NAV3: variants seen among roughly 807,000 people sequenced by gnomAD.
NAV3 encodes the protein neuron navigator 3.
In NAV3, 87 loss-of-function variants were observed where a neutral mutation model predicts 244.7. The observed-to-expected ratio is 0.36, with a 90% CI of 0.30 to 0.42. The LOEUF (loss-of-function observed/expected upper bound fraction) is 0.42. Among genes scored for constraint, NAV3 ranks in the 20% least tolerant of loss-of-function variants. The probability of loss-of-function intolerance (pLI) is 1.00; values close to 1 mark genes in which losing one functional copy is unlikely to be tolerated. For synonymous variants in NAV3, 1,126 were observed against 1,042.2 expected (o/e 1.08, Z -1.55); for missense variants, 2,663 against 2,893.3 (o/e 0.92, Z 1.83).
chr12:77,830,623 A>G (rs1873510595), upstream of NAV3, among the ~76,000 whole-genome samples: 1 of 152,182 alleles, frequency 6.6e-6, no homozygotes, highest in Non-Finnish European at 1.5e-5. Context: ...TGGTCCGATG[A>G]ATGATTTAAC....
intron 1 of NAV3, among the ~76,000 whole-genome samples, chr12:77,885,300 T>C (rs1026518309): frequency 1.3e-5 from 2 of 152,258 alleles, no homozygotes; most frequent in African/African-American, 2.4e-5. Context: ...TCTAATTATA[T>C]GAATTATTAA....
chr12:77,673,865 T>C (rs1007781927), intron 2 of NAV3, among the ~76,000 whole-genome samples: 65 of 152,272 alleles, frequency 4.3e-4, no homozygotes, highest in African/African-American at 1.5e-3. Context: ...CTTTTTAAAG[T>C]GGTAATTGAT....
chr12:77,994,163 G>A (rs1871924536), intron 5 of NAV3, among the ~76,000 whole-genome samples: 1 of 152,194 alleles, frequency 6.6e-6, no homozygotes, highest in African/African-American at 2.4e-5. Context: ...ATTAGTATTT[G>A]TTAAGTTGTT....
chr12:77,582,428 C>T (rs942561119), intron 2 of NAV3, among the ~76,000 whole-genome samples: 5 of 152,088 alleles, frequency 3.3e-5, no homozygotes, highest in Admixed American at 2.6e-4. Flanking sequence ...GACATTAAAC[C>T]GGTTTGATCA....
At chr12:78,003,957 A>G (rs1217008362) in intron 7 of NAV3, among the ~76,000 whole-genome samples, 1 of 152,204 alleles carries the variant, frequency 6.6e-6, no homozygotes, top group Non-Finnish European at 1.5e-5. Flanking sequence ...AAGGAAAACA[A>G]GGAGTTACCC....
chr12:78,105,074 G>A (rs752179036), intron 12 of NAV3, among the ~76,000 whole-genome samples: 1 of 152,010 alleles, frequency 6.6e-6, no homozygotes, highest in Non-Finnish European at 1.5e-5. Flanking sequence ...GATACATATT[G>A]CCAAATAATC....
Position 77,635,353 on chromosome 12 carries a change from C to T in NAV3, c.72+63087C>T, listed in dbSNP as rs189713726. Among the ~76,000 whole-genome samples the T allele has an allele frequency of 3.3e-5, 5 of 152,176 alleles. No homozygotes were observed. In the East Asian group the frequency reaches 7.7e-4, roughly 24 times the overall value. ...GGGACTACAAACATGTGCCACAGTA[C>T]CCAGCTTCTAGCAAATATTATTTGA... On this transcript the variant is annotated intron_variant, in intron 2 of 8. Coordinates refer to the NAV3 transcript ENST00000550042.
At chr12:77,900,178 G>A (rs1256051253) in intron 1 of NAV3, among the ~76,000 whole-genome samples, 3 of 150,860 alleles carry the variant, frequency 2.0e-5, no homozygotes, top group African/African-American at 2.4e-5. Context: ...CTGGGTTCAC[G>A]CCATTCTCCT....
intron 9 of NAV3, among the ~76,000 whole-genome samples, chr12:78,030,579 G>T (rs1668963851): frequency 6.6e-6 from 1 of 152,164 alleles, no homozygotes; most frequent in African/African-American, 2.4e-5. Context: ...AGATTGTTGT[G>T]AGGTATGGTA....
At chr12:77,660,181 CAG>C (rs1342921543) in intron 2 of NAV3, among the ~76,000 whole-genome samples, 2 of 151,668 alleles carry the variant, frequency 1.3e-5, no homozygotes, top group African/African-American at 4.8e-5. Flanking sequence ...ATTAATGTAT[CAG>C]AAATTACTTA....
chr12:77,669,341 C>T, intron 2 of NAV3, among the ~76,000 whole-genome samples: 1 of 152,078 alleles, frequency 6.6e-6, no homozygotes, highest in Non-Finnish European at 1.5e-5. Context: ...TAGAATAGTA[C>T]CTCACATCTC....
At chr12:77,808,203 A>G (rs1015469842) in intron 2 of NAV3, among the ~76,000 whole-genome samples, 6 of 152,034 alleles carry the variant, frequency 3.9e-5, no homozygotes, top group Non-Finnish European at 7.4e-5. Flanking sequence ...TTCTCTGTCC[A>G]GTTTTGTTCC....
intron 2 of NAV3, among the ~76,000 whole-genome samples, chr12:77,713,512 G>C (rs921694546): frequency 7.9e-5 from 12 of 152,144 alleles, no homozygotes; most frequent in African/African-American, 2.9e-4. Context: ...TTAAGTGAAA[G>C]TGAATGAATT....
intron 9 of NAV3, among the ~76,000 whole-genome samples, chr12:78,043,327 A>T (rs1367154812): frequency 6.6e-6 from 1 of 152,164 alleles, no homozygotes; most frequent in East Asian, 1.9e-4. Context: ...TATGCAGTCT[A>T]TCATTGATGG....
chr12:78,089,627 G>GT (rs1475158811), intron 12 of NAV3, among the ~76,000 whole-genome samples: 1 of 152,042 alleles, frequency 6.6e-6, no homozygotes, highest in African/African-American at 2.4e-5. Flanking sequence ...CAGTTTGAAT[G>GT]TATCAGTTGG....
rs189153059 is a variant in NAV3, at chr12:77,825,365, A to T, written c.73-114954A>T. The stretch of plus-strand genomic sequence containing the variant: ...TTAAAACAGAATTGATAATAGAACA[A>T]AATAATGTGCTATGTTAATATATGT... On this transcript the variant is annotated intron_variant, in intron 2 of 8. Transcript: ENST00000550042. Among the ~76,000 whole-genome samples the T allele has an allele frequency of 2.6e-4, 40 of 152,322 alleles. No individual in the cohort carries two copies. In the East Asian group the frequency reaches 7.5e-3, roughly 29 times the overall value.
intron 5 of NAV3, among the ~76,000 whole-genome samples, chr12:77,990,966 G>T (rs1871340328): frequency 6.6e-6 from 1 of 152,024 alleles, no homozygotes; most frequent in Non-Finnish European, 1.5e-5. Flanking sequence ...AACACTTATG[G>T]TGCTGGTTTG....
At chr12:77,973,692 C>T (rs2136195006) in intron 5 of NAV3, among the ~76,000 whole-genome samples, 1 of 152,180 alleles carries the variant, frequency 6.6e-6, no homozygotes, top group East Asian at 1.9e-4. Flanking sequence ...CACTCTGAAA[C>T]TGGGACAGTT....
chr12:77,943,550 A>G (rs1229676256), intron 3 of NAV3, among the ~76,000 whole-genome samples: 1 of 152,234 alleles, frequency 6.6e-6, no homozygotes, highest in African/African-American at 2.4e-5. Context: ...TGTAAGCACT[A>G]TTAGTGAATA....
Sources: gnomAD v4.1 joint callset for allele counts (sites outside exome capture counted in the v4.1 genomes callset) on GRCh38, gnomAD v4.1.1 for gene constraint, MANE v1.5 for transcripts, NCBI Gene and HGNC (gene_info 2026-07-23, HGNC 2026-07-21) for gene names.